Variants in WNK2 observed in about 807,000 individuals in gnomAD.
WNK2 encodes the protein serine/threonine-protein kinase WNK2.
In WNK2, 67 loss-of-function variants were observed where a neutral mutation model predicts 192.1. The ratio of observed to expected loss-of-function variants is 0.35; its 90% CI spans 0.29 to 0.43. The LOEUF (loss-of-function observed/expected upper bound fraction) is 0.43. WNK2 is among the 20% of genes least tolerant of loss of function. The pLI is 1.00. For synonymous variants in WNK2, 1,439 were observed against 1,393.9 expected (o/e 1.03, Z -0.72); for missense variants, 2,698 against 3,089.7 (o/e 0.87, Z 3.01).
At chr9:93,208,733 C>CTGTGTGTTCATGTGTGTTT (rs1563989888) in intron 2 of WNK2, among the ~76,000 whole-genome samples, 7 of 6,466 alleles carry the variant, frequency 1.1e-3, no homozygotes, top group South Asian at 8.1e-3. Flanking sequence ...CGTGCGTGTT[C>CTGTGTGTTCATGTGTGTTT]TGTGTGTGTT....
In WNK2 at chr9:93,268,730, G is replaced by A. The variant is rs757437306; in HGVS notation, c.4017G>A (p.Pro1339=). The A allele has an allele frequency of 5.8e-5, 93 of 1,612,316 alleles. No homozygotes were observed. Among genetic ancestry groups the A allele is most frequent in the Non-Finnish European group, 7.3e-5 (86 of 1,179,500 alleles). ...SSPPLPLSSL[P]PEASQDSAPY... ...CCCCACTTCCTCTAAGCTCCCTGCC[G>A]CCAGAAGCCAGCCAAGGTATGAGCA... The change falls in exon 19 of 30, where the codon CCG becomes CCA. Residue 1339 remains proline, a synonymous_variant. Transcript: ENST00000427277.
chr9:93,288,351 CTT>C (rs1297554977), intron 19 of WNK2, among the ~76,000 whole-genome samples: 2 of 151,190 alleles, frequency 1.3e-5, no homozygotes, highest in African/African-American at 4.9e-5. Context: ...TACTTAAACT[CTT>C]TAATTTTGAA....
rs1219348244 is a variant in WNK2, at chr9:93,289,993, C to A, written c.4882C>A (p.Leu1628Met). ...CTTTCTCCAGGTGGAGAAGTCAGAA[C>A]TGGCCCCCACTCGAGGGGCCGTGAT... ...LPQPLVEKSE[L>M]APTRGAVMEQ... Residue 1628 changes from leucine to methionine, a missense_variant, in exon 21 of 30, where the codon CTG becomes ATG. By Grantham distance (15) the Leu-to-Met change is conservative. Transcript: ENST00000427277. 23 of 1,575,944 alleles carry A rather than the reference C, an allele frequency of 1.5e-5. No homozygotes were observed. The highest frequency in any genetic ancestry group is 2.0e-5 in the Non-Finnish European group (23 of 1,159,668).
At chr9:93,241,199 C>T (rs780461415) in intron 7 of WNK2, among the ~76,000 whole-genome samples, 13 of 152,198 alleles carry the variant, frequency 8.5e-5, no homozygotes, top group Non-Finnish European at 1.9e-4. Flanking sequence ...CATGAACAAA[C>T]GTTGACATTA....
Position 93,292,789 on chromosome 9 carries a change from T to C in WNK2, c.5324T>C (p.Leu1775Pro). Reference sequence around the variant, plus strand: ...TACTCTGCCCCACCCGACGTCTACCTGGACGAGGCCCCCTCCAGCCCCGAC... The same window carrying C: ...TACTCTGCCCCACCCGACGTCTACCCGGACGAGGCCCCCTCCAGCCCCGAC... ...LRYSAPPDVYLDEAPSSPDVK... is the reference protein window; with the variant it reads ...LRYSAPPDVYPDEAPSSPDVK... The change falls in exon 23 of 30, where the codon CTG becomes CCG. Residue 1775 changes from leucine to proline, a missense_variant. Transcript: ENST00000427277. 1 of 1,551,208 alleles carries C rather than the reference T, an allele frequency of 6.4e-7. No individual in the cohort carries two copies. Among genetic ancestry groups the C allele is most frequent in the Non-Finnish European group, 8.7e-7 (1 of 1,148,948 alleles).
At chr9:93,226,304 T>C (rs1837808337) in intron 2 of WNK2, among the ~76,000 whole-genome samples, 2 of 152,386 alleles carry the variant, frequency 1.3e-5, no homozygotes, top group East Asian at 1.9e-4. Context: ...AGGGAAATGC[T>C]ATTCTACTAT....
At chr9:93,188,652 C>T (rs1829779131) in intron 2 of WNK2, among the ~76,000 whole-genome samples, 1 of 152,226 alleles carries the variant, frequency 6.6e-6, no homozygotes, top group Admixed American at 6.5e-5. Flanking sequence ...CTGTGGTCAT[C>T]TTTGGCCAGC....
intron 21 of WNK2, 72 bp from the exon 22 acceptor site, chr9:93,292,236 C>T (rs572720096): frequency 6.1e-5 from 95 of 1,545,398 alleles, no homozygotes; most frequent in Middle Eastern, 1.7e-4. Flanking sequence ...TGGGCTGCTT[C>T]GGGTCAGCTG....
chr9:93,310,868 G>A (rs1014490632), intron 28 of WNK2, among the ~76,000 whole-genome samples: 1 of 152,206 alleles, frequency 6.6e-6, no homozygotes, highest in Admixed American at 6.5e-5. Flanking sequence ...GGAGGCTGAG[G>A]TGGGAGGATC....
At position 93,258,931 on chromosome 9, in the gene WNK2, A is replaced by T. The variant is rs147449636; in HGVS notation, c.2383A>T (p.Met795Leu). ...LQPLAQVPPQMPPIPVVPPIT... is the reference protein window; with the variant it reads ...LQPLAQVPPQLPPIPVVPPIT... Reference sequence around the variant, plus strand: ...TGACACACTCCTGTGTCTCTTTCAGATGCCCCCGATTCCTGTTGTGCCCCC... The same window carrying T: ...TGACACACTCCTGTGTCTCTTTCAGTTGCCCCCGATTCCTGTTGTGCCCCC... The change falls in exon 12 of 30, where the codon ATG becomes TTG. Residue 795 changes from methionine to leucine, a missense_variant and splice_region_variant. Around this residue, in one of 7 missense-constraint regions of WNK2, gnomAD observed 893 missense variants for 909.0 expected, o/e 0.98. Coordinates refer to ENST00000427277, the MANE Select transcript of WNK2 (RefSeq NM_006648.4). The T allele has an allele frequency of 5.6e-6, 9 of 1,609,394 alleles. No homozygotes were observed. In the African/African-American group the frequency reaches 1.2e-4, roughly 22 times the overall value.
In WNK2 at chr9:93,247,814, C is replaced by A; in HGVS notation, c.1814C>A (p.Thr605Asn). The change falls in exon 8 of 30, where the codon ACC becomes AAC. Residue 605 changes from threonine (T) to asparagine (N), a missense_variant. Physicochemically the swap from Thr to Asn is moderately conservative, Grantham distance 65. This residue lies in a region of WNK2 where 893 missense variants were observed against 909.0 expected (regional missense o/e 0.98). Coordinates refer to ENST00000427277, the MANE Select transcript of WNK2 (RefSeq NM_006648.4). The surrounding 1 kb of genome is among the most constrained non-coding windows in gnomAD (Gnocchi z 5.2). The stretch of plus-strand genomic sequence containing the variant: ...CACCTCCTGCCACCTACGTTGCCGA[C>A]CAGCGCCACCTCCCTGGCCTGTGAG... ...DQHLLPPTLP[T>N]SATSLASDST... is the part of the protein sequence containing the mutation. 6.5e-7 allele frequency: 1 copy of A among 1,540,342 alleles called. No individual in the cohort carries two copies.
intron 23 of WNK2, among the ~76,000 whole-genome samples, chr9:93,293,742 G>T (rs1849757337): frequency 6.6e-6 from 1 of 152,060 alleles, no homozygotes; most frequent in African/African-American, 2.4e-5. Flanking sequence ...CTGCACTTGG[G>T]GGTATGTCTT....
At chr9:93,233,715 AAAAAAAGT>A (rs1341170430) in intron 4 of WNK2, among the ~76,000 whole-genome samples, 1 of 151,710 alleles carries the variant, frequency 6.6e-6, no homozygotes, top group Non-Finnish European at 1.5e-5. Flanking sequence ...AAAAAAAAAA[AAAAAAAGT>A]AACACATTTT....
chr9:93,253,197 A>ATT (rs1042210619), intron 9 of WNK2, 115 bp downstream of exon 9: 2 of 947,428 alleles, frequency 2.1e-6, no homozygotes, highest in Non-Finnish European at 2.8e-6. Context: ...TGTGGTCAGC[A>ATT]TTAAAAGTGG....
At chr9:93,286,908 G>GA (rs768384165) in intron 19 of WNK2, among the ~76,000 whole-genome samples, 1 of 152,184 alleles carries the variant, frequency 6.6e-6, no homozygotes, top group African/African-American at 2.4e-5. Context: ...GCCAGGCACA[G>GA]AAAGACTACA....
chr9:93,310,828 G>T (rs1853509172), intron 28 of WNK2, among the ~76,000 whole-genome samples: 1 of 152,186 alleles, frequency 6.6e-6, no homozygotes, highest in Non-Finnish European at 1.5e-5. Flanking sequence ...GCCAGGCGTG[G>T]TTGCACATGC....
chr9:93,286,687 G>A (rs1433232316), intron 19 of WNK2, among the ~76,000 whole-genome samples: 1 of 152,148 alleles, frequency 6.6e-6, no homozygotes, highest in East Asian at 1.9e-4. Context: ...TTGAAAACAA[G>A]GTTTGGAAGA....
chr9:93,306,125 AGGCCTT>A (rs1852488010), intron 26 of WNK2, among the ~76,000 whole-genome samples: 1 of 152,194 alleles, frequency 6.6e-6, no homozygotes, highest in Non-Finnish European at 1.5e-5. Flanking sequence ...TTCCAGGCTG[AGGCCTT>A]GCCCTACCCC....
intron 28 of WNK2, among the ~76,000 whole-genome samples, chr9:93,311,524 A>G (rs1853639172): frequency 6.6e-6 from 1 of 152,184 alleles, no homozygotes; most frequent in African/African-American, 2.4e-5. Flanking sequence ...TAACAGCTAT[A>G]CCATTTGACA....
Sources: gnomAD v4.1 joint callset for allele counts (sites outside exome capture counted in the v4.1 genomes callset) on GRCh38, gnomAD v4.1.1 for gene constraint, gnomAD v4.1.1 regional missense constraint, Gnocchi (gnomAD v3.1) non-coding constraint, MANE v1.5 for transcripts, NCBI Gene and HGNC (gene_info 2026-07-23, HGNC 2026-07-21) for gene names.